The following ENDOD1 variants were observed in gnomAD, a reference collection of about 807,000 sequenced individuals.
ENDOD1 encodes the protein endonuclease domain containing 1, also known as endonuclease domain-containing 1 protein.
Under a neutral mutation model 6.5 loss-of-function variants are expected in ENDOD1, and 9 were observed. The observed-to-expected ratio is 1.39, with a 90% CI of 0.84 to 2.43. The LOEUF (loss-of-function observed/expected upper bound fraction) is 2.43, where lower values mean the gene tolerates loss of function less well. ENDOD1 is among the 30% of genes most tolerant of loss of function. The pLI, the probability that ENDOD1 is intolerant of heterozygous loss-of-function variation, is 0.00. For synonymous variants in ENDOD1, 255 were observed against 255.2 expected (o/e 1.00, Z 0.01); for missense variants, 648 against 635.5 (o/e 1.02, Z -0.21).
At chr11:95,103,103 GTGT>G (rs1565444824) in intron 1 of ENDOD1, among the ~76,000 whole-genome samples, 5 of 135,494 alleles carry the variant, frequency 3.7e-5, no homozygotes, top group African/African-American at 1.1e-4. Context: ...CAGAGTGGGT[GTGT>G]GTGTGTGTGT....
rs535089056 is a variant in ENDOD1 at position 95,090,052 on chromosome 11, C to A, written c.125C>A (p.Thr42Asn). 1.9e-6 allele frequency: 3 copies of A among 1,602,576 alleles called. No homozygotes were observed. The highest frequency in any genetic ancestry group is 2.3e-5 in the South Asian group (2 of 88,758). The change falls in exon 1 of 2, where the codon ACC becomes AAC. Residue 42 changes from threonine to asparagine, a missense_variant. Coordinates refer to ENST00000278505, the MANE Select transcript of ENDOD1 (RefSeq NM_015036.3). ...GECDKFFYAG[T>N]PPAGLAADSH... ...TGTGACAAGTTCTTCTACGCCGGGA[C>A]CCCGCCTGCGGGGCTGGCGGCCGAT...
At chr11:95,124,723 A>G (rs1035714918) in intron 1 of ENDOD1, among the ~76,000 whole-genome samples, 3 of 152,208 alleles carry the variant, frequency 2.0e-5, no homozygotes, top group African/African-American at 7.2e-5. Flanking sequence ...GGAGTTGGGC[A>G]GAAAAGGCCT....
chr11:95,119,402 T>C (rs1330041882), intron 1 of ENDOD1, among the ~76,000 whole-genome samples: 2 of 152,252 alleles, frequency 1.3e-5, no homozygotes, highest in Admixed American at 1.3e-4. Context: ...ACACTGTGGT[T>C]CTTGCAGACT....
intron 1 of ENDOD1, among the ~76,000 whole-genome samples, chr11:95,127,021 A>G (rs1859318502): frequency 6.6e-6 from 1 of 152,210 alleles, no homozygotes; most frequent in African/African-American, 2.4e-5. Context: ...TTTGATAGAT[A>G]TAACATAACA....
intron 1 of ENDOD1, among the ~76,000 whole-genome samples, chr11:95,093,030 C>T (rs1555109999): frequency 1.3e-5 from 2 of 152,172 alleles, no homozygotes; most frequent in African/African-American, 4.8e-5. Context: ...TCCCAAAGCC[C>T]AGTTCGGCAG....
intron 1 of ENDOD1, among the ~76,000 whole-genome samples, chr11:95,118,097 C>G (rs772969529): frequency 4.5e-4 from 68 of 152,128 alleles, no homozygotes; most frequent in Non-Finnish European, 7.6e-4. Flanking sequence ...TTTATTGTTT[C>G]TATTTATATC....
intron 1 of ENDOD1, among the ~76,000 whole-genome samples, chr11:95,118,339 A>G (rs770793799): frequency 1.3e-5 from 2 of 152,192 alleles, no homozygotes; most frequent in Non-Finnish European, 2.9e-5. Context: ...TTCTTTCAGG[A>G]CTGGCCTGGT....
intron 1 of ENDOD1, among the ~76,000 whole-genome samples, chr11:95,103,061 C>T (rs1859056250): frequency 1.3e-5 from 2 of 151,916 alleles, no homozygotes; most frequent in South Asian, 2.1e-4. Context: ...TTCAATTTCT[C>T]CCACAGTTAA....
Position 95,089,982 on chromosome 11 carries a change from C to G in ENDOD1, c.55C>G (p.Leu19Val), listed in dbSNP as rs782274067. The change falls in exon 1 of 2, where the codon CTG becomes GTG. Residue 19 changes from leucine (L) to valine (V), a missense_variant. By Grantham distance (32) the Leu-to-Val change is conservative. Coordinates refer to ENST00000278505, the MANE Select transcript of ENDOD1 (RefSeq NM_015036.3). The part of the protein sequence containing the change: ...LGSLFALAGL[L>V]EGRLVGEEEA... The stretch of plus-strand genomic sequence containing the variant: ...CAGCCTCTTCGCCCTGGCTGGGCTG[C>G]TGGAAGGCCGGCTCGTGGGCGAGGA... 8.4e-6 allele frequency: 13 copies of G among 1,551,230 alleles called. No homozygotes were observed. In the African/African-American group the frequency reaches 1.8e-4, roughly 22 times the overall value.
At chr11:95,107,179 C>CT (rs148502127) in intron 1 of ENDOD1, among the ~76,000 whole-genome samples, 10,230 of 150,394 alleles carry the variant, frequency 0.068, 514 homozygotes, top group African/African-American at 0.14. Flanking sequence ...TGGAGGGGAA[C>CT]TTTTTTTTTA....
intron 1 of ENDOD1, among the ~76,000 whole-genome samples, chr11:95,105,979 C>CAGCCAG (rs372770919): frequency 1.3e-5 from 2 of 152,120 alleles, no homozygotes; most frequent in South Asian, 4.1e-4. Context: ...TACAAAAATT[C>CAGCCAG]AGCCAGAGCC....
chr11:95,090,163 C>T lies in ENDOD1; in HGVS notation c.236C>T (p.Ser79Phe). Residue 79 changes from serine (S) to phenylalanine (F), a missense_variant, in exon 1 of 2, where the codon TCC (serine) becomes TTC (phenylalanine). Physicochemically the swap from Ser to Phe is radical, Grantham distance 155 (BLOSUM62 -2). Transcript: ENST00000278505. ...ACCCGGGACCGCATCCCCGTGTACTCCGCGTTCCGCGCCCCGCGCCCTGCG... is the reference window on the plus strand; with the variant it reads ...ACCCGGGACCGCATCCCCGTGTACTTCGCGTTCCGCGCCCCGCGCCCTGCG... ...YSTRDRIPVY[S>F]AFRAPRPAPG... is the part of the protein sequence containing the mutation. The T allele has an allele frequency of 6.9e-7, 1 of 1,457,882 alleles. No individual in the cohort carries two copies. Among genetic ancestry groups the T allele is most frequent in the Non-Finnish European group, 9.2e-7 (1 of 1,092,036 alleles). The allele number at this position is 1,457,882 out of a possible 1,614,324, so 90.3% of individuals were successfully genotyped here.
chr11:95,109,086 C>T (rs1859122228), intron 1 of ENDOD1, among the ~76,000 whole-genome samples: 1 of 152,294 alleles, frequency 6.6e-6, no homozygotes, highest in Non-Finnish European at 1.5e-5. Context: ...TCAGCTCATT[C>T]TATTATTTTA....
At position 95,132,020 on chromosome 11, in the gene ENDOD1, C is replaced by G. The variant is rs1477283237; in HGVS notation, c.*2441C>G. 4 of 152,670 alleles carry G rather than the reference C, an allele frequency of 2.6e-5. No homozygotes were observed. The East Asian group carries it at 7.7e-4, about 29-fold the overall frequency. The allele number at this position is 152,670 out of a possible 1,614,324, so 9.5% of individuals were successfully genotyped here. A position where few individuals can be genotyped will look rare whatever the true frequency, so the allele number is the denominator to read the frequency against. On this transcript the variant is annotated 3_prime_UTR_variant, in exon 2 of 2. Transcript: ENST00000278505. Reference sequence around the variant, plus strand: ...ACCATCTGCATTGGACGTGAAGCCACAGCAGGTGGCTGGACTGCTGGCCTG... The same window carrying G: ...ACCATCTGCATTGGACGTGAAGCCAGAGCAGGTGGCTGGACTGCTGGCCTG...
Position 95,128,924 on chromosome 11 carries a change from TG to T in ENDOD1, c.850del (p.Glu284LysfsTer62). 3 of 1,614,144 alleles carry T rather than the reference TG, an allele frequency of 1.9e-6. No homozygotes were observed. Among genetic ancestry groups the T allele is most frequent in the Non-Finnish European group, 2.5e-6 (3 of 1,180,018 alleles). ...EQDTEKMKKI[L>X]EVVNQIQDEE... ...GACACAGAGAAAATGAAAAAAATCC[TG>T]GAAGTGGTTAACCAAATCCAGGATG... On this transcript the variant is annotated frameshift_variant, in exon 2 of 2. Transcript: ENST00000278505. LOFTEE classifies it low-confidence loss of function (END_TRUNC).
At chr11:95,102,387 G>T (rs1485314832) in intron 1 of ENDOD1, among the ~76,000 whole-genome samples, 1 of 130,392 alleles carries the variant, frequency 7.7e-6, no homozygotes, top group Non-Finnish European at 1.6e-5. Context: ...AAAAAAAAAA[G>T]GTGGGCAGGC....
At chr11:95,104,076 T>C (rs1859067026) in intron 1 of ENDOD1, among the ~76,000 whole-genome samples, 1 of 152,236 alleles carries the variant, frequency 6.6e-6, no homozygotes, top group South Asian at 2.1e-4. Context: ...CTCTTCTCTT[T>C]AGAATAATTT....
At chr11:95,100,871 T>TTG (rs1859033047) in intron 1 of ENDOD1, among the ~76,000 whole-genome samples, 1 of 145,992 alleles carries the variant, frequency 6.8e-6, no homozygotes, top group South Asian at 2.2e-4. Flanking sequence ...GGGTGTTTTT[T>TTG]TTTTTTTTTT....
Position 95,129,595 on chromosome 11 carries a change from A to G in ENDOD1, c.*16A>G, listed in dbSNP as rs200768980. On this transcript the variant is annotated 3_prime_UTR_variant, in exon 2 of 2. Transcript: ENST00000278505. ...GGAGTTATAAACTCAAAAAACTAAT[A>G]GTATCCAGTCACAGTGAATTTGAAA... The G allele has an allele frequency of 2.5e-6, 4 of 1,598,304 alleles. No individual in the cohort carries two copies. Among genetic ancestry groups the G allele is most frequent in the South Asian group, 1.1e-5 (1 of 88,992 alleles).
Sources: gnomAD v4.1 joint callset for allele counts (sites outside exome capture counted in the v4.1 genomes callset) on GRCh38, gnomAD v4.1.1 for gene constraint, MANE v1.5 for transcripts, NCBI Gene and HGNC (gene_info 2026-07-23, HGNC 2026-07-21) for gene names.